Variants in CMTM8 observed in about 807,000 individuals in gnomAD.
CMTM8 encodes CKLF like MARVEL transmembrane domain containing 8.
Under a neutral mutation model 18.6 loss-of-function variants are expected in CMTM8, and 12 were observed. The observed-to-expected ratio is 0.65, with a 90% confidence interval of 0.41 to 1.05. The LOEUF is 1.05. CMTM8 is among the 50% of genes least tolerant of loss of function. The pLI, the probability that CMTM8 is intolerant of heterozygous loss-of-function variation, is 0.00. For synonymous variants in CMTM8, 87 were observed against 90.6 expected, an observed-to-expected ratio of 0.96 and a Z score of 0.23; for missense variants, 217 against 227.2, an observed-to-expected ratio of 0.95 and a Z score of 0.29.
At chr3:32,263,202 C>A (rs941449943) in intron 1 of CMTM8, among the ~76,000 whole-genome samples, 2 of 152,224 alleles carry the variant, frequency 1.3e-5, no homozygotes, top group South Asian at 2.1e-4. Context: ...AGGCACCCCC[C>A]AGTAGGGGCA....
intron 1 of CMTM8, 64 bp from the exon 2 acceptor site, chr3:32,357,309 C>T (rs1696834241): frequency 7.5e-6 from 9 of 1,203,766 alleles, no homozygotes; most frequent in Admixed American, 2.2e-5. Flanking sequence ...TTTGTCCCTC[C>T]TTCCTTCTTT....
intron 1 of CMTM8, among the ~76,000 whole-genome samples, chr3:32,313,098 G>T (rs555115982): frequency 6.6e-6 from 1 of 152,170 alleles, no homozygotes; most frequent in Admixed American, 6.5e-5. Context: ...GAGGATCAGG[G>T]CATGAACATC....
At chr3:32,369,821 G>T in intron 3 of CMTM8, 63 bp from the exon 4 acceptor site, 1 of 1,071,756 alleles carries the variant, frequency 9.3e-7, no homozygotes. Flanking sequence ...GAGGTGAAAT[G>T]ATAACTTTTG....
rs542938911 is a variant in CMTM8, at chr3:32,331,440, A to C, written c.148-25933A>C. Among the ~76,000 whole-genome samples, 42 of 152,220 alleles carry C rather than the reference A, an allele frequency of 2.8e-4. 1 individual carries two copies. The highest frequency in any genetic ancestry group is 9.6e-4 in the African/African-American group (40 of 41,520). On this transcript the variant is annotated intron_variant, in intron 1 of 3. Transcript: ENST00000307526. ...CAAAAAATTAAAAATAAAATGTACT[A>C]TATGACCCAACAATCCCACTTCTGG...
chr3:32,271,157 G>A (rs1030183725), intron 1 of CMTM8, among the ~76,000 whole-genome samples: 8 of 152,050 alleles, frequency 5.3e-5, no homozygotes, highest in Admixed American at 3.9e-4. Context: ...ACAGAGTTTC[G>A]CTCTTGTTGC....
chr3:32,300,835 C>T (rs896113570), intron 1 of CMTM8, among the ~76,000 whole-genome samples: 7 of 151,912 alleles, frequency 4.6e-5, no homozygotes, highest in African/African-American at 1.5e-4. Context: ...TGGCACATGC[C>T]TGTAATCCCA....
intron 1 of CMTM8, among the ~76,000 whole-genome samples, chr3:32,257,632 T>C (rs553121033): frequency 1.3e-5 from 2 of 152,326 alleles, no homozygotes; most frequent in Non-Finnish European, 2.9e-5. Flanking sequence ...TCTAAAATGT[T>C]TGCTTTTAGT....
chr3:32,369,822 A>G (rs1695613761), intron 3 of CMTM8, 62 bp from the exon 4 acceptor site: 1 of 1,085,308 alleles, frequency 9.2e-7, no homozygotes, highest in Non-Finnish European at 1.4e-6. Flanking sequence ...AGGTGAAATG[A>G]TAACTTTTGC....
At chr3:32,275,684 G>A (rs985608762) in intron 1 of CMTM8, among the ~76,000 whole-genome samples, 2 of 126,158 alleles carry the variant, frequency 1.6e-5, no homozygotes, top group Admixed American at 9.7e-5. Context: ...GAGTCTTGCT[G>A]TGTCACCCAG....
intron 2 of CMTM8, among the ~76,000 whole-genome samples, chr3:32,366,095 TAAAC>T (rs1348392779): frequency 6.6e-6 from 1 of 152,196 alleles, no homozygotes; most frequent in Non-Finnish European, 1.5e-5. Flanking sequence ...TTGGGAGTGT[TAAAC>T]AAGACTAGGG....
At chr3:32,294,782 C>T (rs1009209874) in intron 1 of CMTM8, among the ~76,000 whole-genome samples, 101 of 152,128 alleles carry the variant, frequency 6.6e-4, no homozygotes, top group Admixed American at 5.9e-3. Context: ...TGGCCAGATG[C>T]GGTGGCTCAC....
chr3:32,308,284 A>G (rs982556450), intron 1 of CMTM8, among the ~76,000 whole-genome samples: 6 of 152,264 alleles, frequency 3.9e-5, no homozygotes, highest in African/African-American at 1.4e-4. Context: ...GAGGGATGCT[A>G]GTGATATATT....
intron 1 of CMTM8, among the ~76,000 whole-genome samples, chr3:32,286,054 T>C (rs1392459398): frequency 6.6e-6 from 1 of 152,152 alleles, no homozygotes; most frequent in Non-Finnish European, 1.5e-5. Flanking sequence ...CTCAGGGCCT[T>C]CTGCAAGCAA....
At chr3:32,365,173 T>C (rs1245868654) in intron 2 of CMTM8, among the ~76,000 whole-genome samples, 4 of 152,178 alleles carry the variant, frequency 2.6e-5, no homozygotes, top group African/African-American at 9.7e-5. Context: ...TCTTGGGTCA[T>C]GTCACCACAG....
rs114281903 is a variant in CMTM8, at chr3:32,246,038, G to A, written c.147+6919G>A. 5.3e-3 allele frequency among the ~76,000 whole-genome samples: 814 copies of A among 152,262 alleles called. 2 individuals are homozygous for A. Among genetic ancestry groups the A allele is most frequent in the African/African-American group, 0.018 (764 of 41,542 alleles). On this transcript the variant is annotated intron_variant, in intron 1 of 3. Coordinates refer to ENST00000307526, the MANE Select transcript of CMTM8 (RefSeq NM_178868.5). Reference sequence around the variant, plus strand: ...TCACGAAGTTAGCTAGGCTGGCCTCGAACTCCTGGCCTCAGGTGATCCACC... The same window carrying A: ...TCACGAAGTTAGCTAGGCTGGCCTCAAACTCCTGGCCTCAGGTGATCCACC...
Position 32,264,360 on chromosome 3 carries a change from G to A in CMTM8, c.147+25241G>A, listed in dbSNP as rs184595389. On this transcript the variant is annotated intron_variant, in intron 1 of 3. Transcript: ENST00000307526. Reference sequence around the variant, plus strand: ...ATGTCCAGCCAACTAAGTAAGCTTCGTAAGTGAAGGAGAAATAAAATCCTT... The same window carrying A: ...ATGTCCAGCCAACTAAGTAAGCTTCATAAGTGAAGGAGAAATAAAATCCTT... Among the ~76,000 whole-genome samples the A allele has an allele frequency of 5.1e-4, 78 of 152,032 alleles. 1 individual carries two copies. In the Middle Eastern group the frequency reaches 0.01, roughly 20 times the overall value.
chr3:32,250,857 T>A (rs1223033480), intron 1 of CMTM8, among the ~76,000 whole-genome samples: 1 of 152,080 alleles, frequency 6.6e-6, no homozygotes, highest in African/African-American at 2.4e-5. Context: ...CCTCCCAAAT[T>A]GCTGGGATTA....
intron 1 of CMTM8, among the ~76,000 whole-genome samples, chr3:32,284,977 T>G (rs1383864190): frequency 1.3e-5 from 2 of 152,116 alleles, no homozygotes; most frequent in Non-Finnish European, 2.9e-5. Flanking sequence ...GATGAGCAGT[T>G]TAATGCAGAG....
At chr3:32,356,017 G>C (rs1377355761) in intron 1 of CMTM8, among the ~76,000 whole-genome samples, 1 of 152,130 alleles carries the variant, frequency 6.6e-6, no homozygotes, top group Non-Finnish European at 1.5e-5. Context: ...ATTTGCCACA[G>C]TTGTAATCGG....
Sources: allele counts gnomAD v4.1 joint callset (sites outside exome capture counted in the v4.1 genomes callset), GRCh38; gene constraint gnomAD v4.1.1; transcripts MANE v1.5; gene names NCBI Gene and HGNC (gene_info 2026-07-23, HGNC 2026-07-21).